Variants in TMX3 observed in about 807,000 individuals in gnomAD.
The protein encoded by TMX3 is thioredoxin related transmembrane protein 3.
A neutral mutation model predicts 64.4 loss-of-function variants in TMX3; 40 were observed. The ratio of observed to expected loss-of-function variants is 0.62; its 90% CI spans 0.48 to 0.81. The LOEUF (loss-of-function observed/expected upper bound fraction) is 0.81. Ranked by LOEUF, TMX3 falls within the 30% of genes least tolerant of loss-of-function variation. TMX3 has a pLI of 0.00. For missense variants in TMX3, 497 were observed against 534.5 expected (o/e 0.93, Z 0.69); for synonymous variants, 189 against 175.7 (o/e 1.08, Z -0.60).
At chr18:68,688,043 G>A in intron 9 of TMX3, 3 of 211,482 alleles carry the variant, frequency 1.4e-5, no homozygotes, top group East Asian at 1.1e-4. Context: ...AATAAATTTT[G>A]GTATATGTCG....
intron 4 of TMX3, among the ~76,000 whole-genome samples, chr18:68,707,280 A>G (rs910263758): frequency 1.3e-4 from 20 of 151,866 alleles, no homozygotes; most frequent in Non-Finnish European, 4.4e-5. Flanking sequence ...GGGGGCAAGT[A>G]GTTGAGAGAG....
chr18:68,707,987 GTATATATGTGTA>G (rs1333341033), intron 4 of TMX3, among the ~76,000 whole-genome samples: 5 of 146,730 alleles, frequency 3.4e-5, no homozygotes, highest in African/African-American at 2.7e-5. Flanking sequence ...ATGTGTATGT[GTATATATGTGTA>G]TATATATGTG....
intron 14 of TMX3, 140 bp from the exon 15 acceptor site, chr18:68,679,671 T>C (rs1913236070): frequency 3.1e-6 from 2 of 642,704 alleles, no homozygotes; most frequent in Non-Finnish European, 5.2e-6. Flanking sequence ...GTGGTAAACA[T>C]TTACTGTGTT....
At chr18:68,681,872 T>C (rs1913469281) in intron 13 of TMX3, among the ~76,000 whole-genome samples, 1 of 152,198 alleles carries the variant, frequency 6.6e-6, no homozygotes, top group African/African-American at 2.4e-5. Context: ...CTTATCTCTC[T>C]AGCACTCTCC....
Position 68,702,846 on chromosome 18 carries a change from T to C in TMX3, c.266-1056A>G, listed in dbSNP as rs1396155894. ...AATAAGGGCAGTCGATTTGTGAAAA[T>C]ATCCAAAATTTTTCCTTCATTTGTC... On this transcript the variant is annotated intron_variant, in intron 4 of 15. Coordinates refer to ENST00000299608, the MANE Select transcript of TMX3 (RefSeq NM_019022.5). 2.0e-5 allele frequency among the ~76,000 whole-genome samples: 3 copies of C among 152,314 alleles called. No individual in the cohort carries two copies. The East Asian group carries it at 5.8e-4, about 29-fold the overall frequency.
In TMX3 at chr18:68,682,860, G is replaced by A. The variant is rs921382820; in HGVS notation, c.905+65C>T. 23 of 1,433,132 alleles carry A rather than the reference G, an allele frequency of 1.6e-5. No individual in the cohort carries two copies. In the African/African-American group the frequency reaches 2.4e-4, roughly 15 times the overall value. The allele number at this position is 1,433,132 out of a possible 1,614,324, so 88.8% of individuals were successfully genotyped here. On this transcript the variant is annotated intron_variant, in intron 13 of 15. Coordinates refer to ENST00000299608, the MANE Select transcript of TMX3 (RefSeq NM_019022.5). ...TTTCAGCTATTTAATCCTTCTACCT[G>A]TATCTCAGAAACAAATTTAAAAATT...
chr18:68,677,525 C>T (rs949578437), intron 15 of TMX3, among the ~76,000 whole-genome samples: 3 of 152,086 alleles, frequency 2.0e-5, no homozygotes, highest in African/African-American at 7.2e-5. Flanking sequence ...CGCCCAGCAG[C>T]TTTAGAGTTG....
Position 68,711,235 on chromosome 18 carries a change from C to T in TMX3, c.141+129G>A, listed in dbSNP as rs2306165. ...ATGTAAAATCTCAAATATAGTAATA[C>T]TTAAGAAAACAAATTGAGTATATAC... is the stretch of plus-strand genomic sequence containing the variant. On this transcript the variant is annotated intron_variant, in intron 3 of 15. Transcript: ENST00000299608. 2,262 of 529,038 alleles carry T rather than the reference C, an allele frequency of 4.3e-3. 44 individuals carry two copies. The Admixed American group carries it at 0.047, about 11-fold the overall frequency. 32.8% of individuals were successfully genotyped at this position (529,038 alleles called of 1,614,324 possible). A position where few individuals can be genotyped will look rare whatever the true frequency, so the allele number is the denominator to read the frequency against.
Position 68,677,034 on chromosome 18 carries a change from G to C in TMX3, c.1264C>G (p.Gln422Glu). ...TGCTGTTCTTTGCTCTCTTCTATCT[G>C]TTCTTGGTTTTCATTTTCACTTTTA... ...VSKSENENQEQIEESKEQQEP... is the reference protein window; with the variant it reads ...VSKSENENQEEIEESKEQQEP... Residue 422 changes from glutamine (Q) to glutamate (E), a missense_variant, in exon 16 of 16, where the codon CAG becomes GAG. Around this residue, in one of 3 missense-constraint regions of TMX3, gnomAD observed 94 missense variants for 75.8 expected, o/e 1.24. Coordinates refer to ENST00000299608, the MANE Select transcript of TMX3 (RefSeq NM_019022.5). 6.2e-7 allele frequency: 1 copy of C among 1,613,718 alleles called. No individual in the cohort carries two copies. The highest frequency in any genetic ancestry group is 8.5e-7 in the Non-Finnish European group (1 of 1,179,790).
At chr18:68,684,379 T>G (rs191238684) in intron 11 of TMX3, 49 bp downstream of exon 11, 1 of 1,560,154 alleles carries the variant, frequency 6.4e-7, no homozygotes. Flanking sequence ...TAAAGCCATA[T>G]AGTCTGAAAT....
At position 68,701,561 on chromosome 18, in the gene TMX3, T is replaced by G. The variant is rs57645674; in HGVS notation, c.311+184A>C. Reference sequence around the variant, plus strand: ...GTGAATTAGCCATAAACAACATGATTGCTTAAATACGAAGAAAAGCATAAA... The same window carrying G: ...GTGAATTAGCCATAAACAACATGATGGCTTAAATACGAAGAAAAGCATAAA... On this transcript the variant is annotated intron_variant, in intron 5 of 15. Transcript: ENST00000299608. 2.4e-3 allele frequency: 3,422 copies of G among 1,399,898 alleles called. 147 individuals carry two copies. The Admixed American group carries it at 0.065, about 27-fold the overall frequency. 86.7% of individuals were successfully genotyped at this position (1,399,898 alleles called of 1,614,324 possible). A position where few individuals can be genotyped will look rare whatever the true frequency, so the allele number is the denominator to read the frequency against.
chr18:68,681,480 C>A, intron 13 of TMX3: 2 of 983,680 alleles, frequency 2.0e-6, no homozygotes, highest in Non-Finnish European at 2.4e-6. Context: ...TACTTTTTTT[C>A]TCTTGATTCT....
rs1196995681 is a variant in TMX3, at chr18:68,674,347, C to T, written c.*2586G>A. ...GCACAGGGTACTCGATAAAAACATG[C>T]ACTTTGTCTCGCTGAAATGTCCTTA... On this transcript the variant is annotated 3_prime_UTR_variant, in exon 16 of 16. Transcript: ENST00000299608. 2 of 152,062 alleles carry T rather than the reference C, an allele frequency of 1.3e-5. No individual in the cohort carries two copies. Among genetic ancestry groups the T allele is most frequent in the Non-Finnish European group, 2.9e-5 (2 of 67,964 alleles). The allele number at this position is 152,062 out of a possible 1,614,324, so 9.4% of individuals were successfully genotyped here. A position where few individuals can be genotyped will look rare whatever the true frequency, so the allele number is the denominator to read the frequency against.
At chr18:68,710,205 G>C in intron 3 of TMX3, 61 bp from the exon 4 acceptor site, 2 of 1,357,360 alleles carry the variant, frequency 1.5e-6, no homozygotes, top group Non-Finnish European at 1.9e-6. Flanking sequence ...TTGTGCTACA[G>C]TAAATATGAA....
rs2031779100 is a variant in TMX3 at position 68,714,849 on chromosome 18, C to A, written c.46+87G>T. Reference sequence around the variant, plus strand: ...GCATCTCCACGAACCCCGCAGGCCTCGCCCCAGACCCGGGTCCAATCCCGG... The same window carrying A: ...GCATCTCCACGAACCCCGCAGGCCTAGCCCCAGACCCGGGTCCAATCCCGG... On this transcript the variant is annotated intron_variant, in intron 1 of 15. Transcript: ENST00000299608. The A allele has an allele frequency of 3.3e-6, 5 of 1,521,236 alleles. No homozygotes were observed. The South Asian group carries it at 6.0e-5, about 18-fold the overall frequency. The allele number at this position is 1,521,236 out of a possible 1,614,324, so 94.2% of individuals were successfully genotyped here.
chr18:68,679,648 C>T (rs1913234588), intron 14 of TMX3, 117 bp from the exon 15 acceptor site: 2 of 754,840 alleles, frequency 2.6e-6, no homozygotes, highest in Non-Finnish European at 2.1e-6. Context: ...ACATAATCAC[C>T]TGAAAAGGCC....
At chr18:68,696,938 T>C (rs1915146136) in intron 8 of TMX3, 1 of 263,324 alleles carries the variant, frequency 3.8e-6, no homozygotes, top group East Asian at 9.9e-5. Flanking sequence ...TAAGCCAATT[T>C]AGGAGTTTGA....
chr18:68,709,061 G>A (rs1394897725), intron 4 of TMX3, among the ~76,000 whole-genome samples: 10 of 152,064 alleles, frequency 6.6e-5, no homozygotes, highest in African/African-American at 2.4e-4. Flanking sequence ...AAGAGAAACT[G>A]CAGGTATTGA....
chr18:68,708,098 T>C (rs56327645), intron 4 of TMX3, among the ~76,000 whole-genome samples: 14,530 of 151,558 alleles, frequency 0.096, 2,018 homozygotes, highest in African/African-American at 0.31. Context: ...TGTGTATATA[T>C]ATATATGGAA....
Sources: allele counts gnomAD v4.1 joint callset (sites outside exome capture counted in the v4.1 genomes callset), GRCh38; gene constraint gnomAD v4.1.1; regional missense constraint gnomAD v4.1.1; transcripts MANE v1.5; gene names NCBI Gene and HGNC (gene_info 2026-07-23, HGNC 2026-07-21).